TAPBPL: variants seen among roughly 807,000 people sequenced by gnomAD.
The protein encoded by TAPBPL is tapasin-related protein.
A neutral mutation model predicts 44.8 loss-of-function variants in TAPBPL; 32 were observed. That is an observed-to-expected ratio of 0.71 (90% CI 0.54 to 0.96). The LOEUF (loss-of-function observed/expected upper bound fraction) is 0.96, where lower values mean the gene tolerates loss of function less well. TAPBPL is among the 40% of genes least tolerant of loss of function. The pLI, the probability that TAPBPL is intolerant of heterozygous loss-of-function variation, is 0.00. For missense variants in TAPBPL, 520 were observed against 586.6 expected (o/e 0.89, Z 1.17); for synonymous variants, 230 against 240.7 (o/e 0.96, Z 0.41).
intron 5 of TAPBPL, among the ~76,000 whole-genome samples, chr12:6,459,381 G>T (rs139293004): frequency 6.6e-6 from 1 of 152,350 alleles, no homozygotes; most frequent in Non-Finnish European, 1.5e-5. Flanking sequence ...TTGGAGAATT[G>T]CAAGTAATTC....
At chr12:6,463,234 AG>A, downstream of TAPBPL, 6 of 1,399,964 alleles carry the variant, frequency 4.3e-6, no homozygotes, top group Non-Finnish European at 4.6e-6. This position sits in a 1 kb window ranked among gnomAD's most constrained non-coding sequence, Gnocchi z 4.0. Context: ...AATATACTAC[AG>A]GAAGAACAGA....
intron 6 of TAPBPL, chr12:6,461,153 C>G: frequency 7.2e-7 from 1 of 1,380,918 alleles, no homozygotes; most frequent in Non-Finnish European, 9.4e-7. Flanking sequence ...CACTCTCCTG[C>G]CTCAGAGTAG....
downstream of TAPBPL, chr12:6,465,466 AG>A (rs1949999193): frequency 8.7e-5 from 9 of 103,198 alleles, 1 homozygote; most frequent in Admixed American, 6.3e-4. Context: ...GTGTATATAT[AG>A]TGTGTGTGTG....
chr12:6,465,462 A>G (rs1179045024), downstream of TAPBPL: 6 of 116,964 alleles, frequency 5.1e-5, no homozygotes, highest in African/African-American at 2.1e-4. Flanking sequence ...ATATGTGTAT[A>G]TATAGTGTGT....
intron 5 of TAPBPL, among the ~76,000 whole-genome samples, chr12:6,460,060 G>A (rs1045097350): frequency 2.0e-5 from 3 of 151,928 alleles, no homozygotes; most frequent in Admixed American, 1.3e-4. Context: ...ATGAGCCACC[G>A]CACCCTGCCT....
At chr12:6,462,486 G>A (rs1949901102), downstream of TAPBPL, 1 of 494,102 alleles carries the variant, frequency 2.0e-6, no homozygotes, top group South Asian at 3.1e-5. Context: ...GGGTTTTGTT[G>A]CACATTTGCT....
chr12:6,453,246 C>T lies in TAPBPL; in HGVS notation c.244C>T (p.Gln82Ter). ...DGSLEDFTDF[Q>*]GGTLAQDDPP... is the part of the protein sequence containing the mutation. ...CTCCCTGGAGGACTTCACCGATTTCCAAGGGGGCACACTGGCCCAAGATGA... is the reference window on the plus strand; with the variant it reads ...CTCCCTGGAGGACTTCACCGATTTCTAAGGGGGCACACTGGCCCAAGATGA... Residue 82 changes from glutamine to a stop codon, truncating the protein, a stop_gained, in exon 2 of 7, where the codon CAA (glutamine) becomes TAA (stop). Coordinates refer to ENST00000266556, the MANE Select transcript of TAPBPL (RefSeq NM_018009.5). LOFTEE classifies it high-confidence loss of function. This position sits in a 1 kb window ranked among gnomAD's most constrained non-coding sequence, Gnocchi z 4.8. 1 of 1,614,066 alleles carries T rather than the reference C, an allele frequency of 6.2e-7. No individual in the cohort carries two copies. The highest frequency in any genetic ancestry group is 8.5e-7 in the Non-Finnish European group (1 of 1,179,996).
chr12:6,463,145 A>G, downstream of TAPBPL: 1 of 1,466,158 alleles, frequency 6.8e-7, no homozygotes, highest in South Asian at 1.4e-5. The surrounding 1 kb of genome is among the most constrained non-coding windows in gnomAD (Gnocchi z 4.0). Flanking sequence ...TCCACTGTCT[A>G]TACACACAAA....
downstream of TAPBPL, chr12:6,464,654 T>C (rs575177840): frequency 2.1e-6 from 3 of 1,459,044 alleles, no homozygotes; most frequent in Non-Finnish European, 1.8e-6. Flanking sequence ...ATAGCCCCAC[T>C]TCCTCAGAAC....
At chr12:6,459,677 G>T (rs1186701676) in intron 5 of TAPBPL, among the ~76,000 whole-genome samples, 1 of 152,010 alleles carries the variant, frequency 6.6e-6, no homozygotes, top group African/African-American at 2.4e-5. Context: ...ATCTCACTGG[G>T]CCTTCAAGCT....
intron 1 of TAPBPL, chr12:6,452,632 C>T: frequency 1.5e-6 from 2 of 1,292,762 alleles, no homozygotes; most frequent in Non-Finnish European, 2.0e-6. Context: ...GAGGAAATCA[C>T]TTGGAAGGTG....
Position 6,453,259 on chromosome 12 carries a change from T to A in TAPBPL, c.257T>A (p.Leu86Gln), listed in dbSNP as rs751789179. Residue 86 changes from leucine (L) to glutamine (Q), a missense_variant, in exon 2 of 7, where the codon CTG becomes CAG. Transcript: ENST00000266556. The surrounding 1 kb of genome is among the most constrained non-coding windows in gnomAD (Gnocchi z 4.8). The part of the protein sequence containing the change: ...EDFTDFQGGT[L>Q]AQDDPPIIFE... ...TTCACCGATTTCCAAGGGGGCACAC[T>A]GGCCCAAGATGACCCACCTATTATC... is the stretch of plus-strand genomic sequence containing the variant. 4.8e-5 allele frequency: 78 copies of A among 1,613,996 alleles called. No individual in the cohort carries two copies. The highest frequency in any genetic ancestry group is 6.5e-5 in the Non-Finnish European group (77 of 1,180,010).
chr12:6,471,402 C>T (rs1945770302), downstream of TAPBPL, among the ~76,000 whole-genome samples: 1 of 152,204 alleles, frequency 6.6e-6, no homozygotes, highest in Non-Finnish European at 1.5e-5. This position sits in a 1 kb window ranked among gnomAD's most constrained non-coding sequence, Gnocchi z 4.0. Context: ...ACCTCTCCCC[C>T]AGTAATCTGC....
chr12:6,453,944 G>A lies in TAPBPL; in HGVS notation c.565+228G>A, dbSNP rs1350551296. The stretch of plus-strand genomic sequence containing the variant: ...GCAGGAGAATCGCTTGAACCCGGAA[G>A]GCAGAGGTTGCGGTGAGCCGAGATC... On this transcript the variant is annotated intron_variant, in intron 3 of 6. Coordinates refer to ENST00000266556, the MANE Select transcript of TAPBPL (RefSeq NM_018009.5). This position sits in a 1 kb window ranked among gnomAD's most constrained non-coding sequence, Gnocchi z 4.8. Among the ~76,000 whole-genome samples the A allele has an allele frequency of 6.9e-6, 1 of 144,688 alleles. No homozygotes were observed. Among genetic ancestry groups the A allele is most frequent in the Non-Finnish European group, 1.6e-5 (1 of 64,208 alleles). 94.9% of individuals were successfully genotyped at this position (144,688 alleles called of 152,430 possible). A position where few individuals can be genotyped will look rare whatever the true frequency, so the allele number is the denominator to read the frequency against.
At chr12:6,462,736 G>A (rs543954369), downstream of TAPBPL, 16 of 1,309,734 alleles carry the variant, frequency 1.2e-5, no homozygotes, top group East Asian at 2.7e-4. Flanking sequence ...CTTCTCCAGC[G>A]GTGACCCCCT....
Position 6,457,596 on chromosome 12 carries a change from C to T in TAPBPL, c.756C>T (p.Gly252=), listed in dbSNP as rs185881959. Residue 252 remains glycine (G), a synonymous_variant, in exon 4 of 7, where the codon GGC becomes GGT. Transcript: ENST00000266556. ...TAGQGQAVRK[G]ATLEPAQLGM... ...GGCAGGGGCAGGCTGTGCGGAAGGG[C>T]GCTACCCTGGAGCCTGCACAACTGG... The T allele has an allele frequency of 5.7e-5, 92 of 1,614,154 alleles. 1 individual carries two copies. The highest frequency in any genetic ancestry group is 3.7e-4 in the Admixed American group (22 of 60,028).
chr12:6,469,179 A>C (rs1179078106), downstream of TAPBPL, among the ~76,000 whole-genome samples: 2 of 152,220 alleles, frequency 1.3e-5, no homozygotes, highest in Non-Finnish European at 2.9e-5. Context: ...AGATAGACAC[A>C]AAGTCATGGG....
downstream of TAPBPL, chr12:6,464,095 G>A (rs1250772649): frequency 1.2e-5 from 16 of 1,312,192 alleles, no homozygotes; most frequent in Admixed American, 3.6e-4. Flanking sequence ...AAGTCACCAT[G>A]GGCACCGATA....
In TAPBPL at chr12:6,457,695, C is replaced by G; in HGVS notation, c.855C>G (p.Ile285Met). Reference sequence around the variant, plus strand: ...ACGAGGGGACCTACATTTGCCAGATCACCACCTCTCTGTACCGAGCTCAGC... The same window carrying G: ...ACGAGGGGACCTACATTTGCCAGATGACCACCTCTCTGTACCGAGCTCAGC... ...IQDEGTYICQ[I>M]TTSLYRAQQI... The change falls in exon 4 of 7, where the codon ATC becomes ATG. Residue 285 changes from isoleucine (I) to methionine (M), a missense_variant. By Grantham distance (10) the Ile-to-Met change is conservative. Coordinates refer to ENST00000266556, the MANE Select transcript of TAPBPL (RefSeq NM_018009.5). 6.2e-7 allele frequency: 1 copy of G among 1,611,572 alleles called. No individual in the cohort carries two copies. The highest frequency in any genetic ancestry group is 1.1e-5 in the South Asian group (1 of 90,870).
Sources: allele counts gnomAD v4.1 joint callset (sites outside exome capture counted in the v4.1 genomes callset), GRCh38; gene constraint gnomAD v4.1.1; non-coding constraint Gnocchi (gnomAD v3.1); transcripts MANE v1.5; gene names NCBI Gene and HGNC (gene_info 2026-07-23, HGNC 2026-07-21).